KCNU1: variants seen among roughly 807,000 people sequenced by gnomAD.
KCNU1 encodes potassium calcium-activated channel subfamily U member 1, also known as potassium channel subfamily U member 1.
KCNU1 carries 93 observed loss-of-function variants against 126.8 expected under a neutral mutation model. The observed-to-expected ratio is 0.73, with a 90% CI of 0.62 to 0.87. The LOEUF is 0.87. KCNU1 is among the 40% of genes least tolerant of loss of function. The probability of loss-of-function intolerance (pLI) is 0.00; values close to 1 mark genes in which losing one functional copy is unlikely to be tolerated. For missense variants in KCNU1, 1,330 were observed against 1,367.1 expected, an observed-to-expected ratio of 0.97 and a Z score of 0.43; for synonymous variants, 523 against 494.2, an observed-to-expected ratio of 1.06 and a Z score of -0.77.
chr8:36,884,999 A>G lies in KCNU1; in HGVS notation c.2009+20478A>G, dbSNP rs1386407387. ...AAACTGAGGTTATAGGGCAAAATCC[A>G]GAAATGTGGAGAATCGCAGCTGAGA... On this transcript the variant is annotated intron_variant, in intron 19 of 26. Transcript: ENST00000399881. 2.6e-5 allele frequency among the ~76,000 whole-genome samples: 4 copies of G among 152,312 alleles called. No homozygotes were observed. In the East Asian group the frequency reaches 5.8e-4, roughly 22 times the overall value.
chr8:36,864,521 G>T lies in KCNU1; in HGVS notation c.2009G>T (p.Arg670Met). 6.3e-7 allele frequency: 1 copy of T among 1,579,180 alleles called. No homozygotes were observed. Among genetic ancestry groups the T allele is most frequent in the Non-Finnish European group, 8.7e-7 (1 of 1,148,448 alleles). The change falls in exon 19 of 27, where the codon AGG (arginine) becomes ATG (methionine). Residue 670 changes from arginine to methionine, a missense_variant and splice_region_variant. Arg to Met is a moderately conservative substitution (Grantham distance 91). This residue lies in a region of KCNU1 where 1,054 missense variants were observed against 1,053.9 expected (regional missense o/e 1.00). Transcript: ENST00000399881. Reference protein sequence around the residue: ...STSSISNFTTRTLQHDVEQDS... With the variant: ...STSSISNFTTMTLQHDVEQDS... ...TCGAGCATATCAAACTTCACCACCAGGTAAAAGCTGCAGAGAACCCTGGTC... is the reference window on the plus strand; with the variant it reads ...TCGAGCATATCAAACTTCACCACCATGTAAAAGCTGCAGAGAACCCTGGTC...
chr8:36,893,117 A>G (rs1807036000), intron 19 of KCNU1, among the ~76,000 whole-genome samples: 1 of 150,304 alleles, frequency 6.7e-6, no homozygotes, highest in Non-Finnish European at 1.5e-5. Context: ...GTGAGCCACC[A>G]TGCCTAGCTA....
At chr8:36,878,338 C>T (rs945242975) in intron 19 of KCNU1, among the ~76,000 whole-genome samples, 1 of 152,104 alleles carries the variant, frequency 6.6e-6, no homozygotes, top group African/African-American at 2.4e-5. Flanking sequence ...TGTGCCCCAC[C>T]CAAGGAGGCT....
chr8:36,825,190 T>C (rs941192766), intron 10 of KCNU1, among the ~76,000 whole-genome samples: 4 of 152,186 alleles, frequency 2.6e-5, no homozygotes, highest in Admixed American at 2.0e-4. Context: ...TTTATTAAGA[T>C]AGTGGTACTT....
chr8:36,915,388 G>T (rs565765160), intron 22 of KCNU1, among the ~76,000 whole-genome samples: 1 of 152,318 alleles, frequency 6.6e-6, no homozygotes, highest in East Asian at 1.9e-4. Context: ...GGCATGGTAT[G>T]TAAATCCTGG....
chr8:36,932,812 G>A, intron 25 of KCNU1, 108 bp from the exon 26 acceptor site: 1 of 663,386 alleles, frequency 1.5e-6, no homozygotes, highest in Non-Finnish European at 2.7e-6. Flanking sequence ...TTAGGAAATG[G>A]CTTTCCAAGC....
chr8:36,868,268 T>A (rs1294510769), intron 19 of KCNU1, among the ~76,000 whole-genome samples: 2 of 151,924 alleles, frequency 1.3e-5, no homozygotes, highest in African/African-American at 4.8e-5. Flanking sequence ...ACAAAGGGAG[T>A]TCCAGCTAGC....
At chr8:36,840,628 C>CA in intron 15 of KCNU1, 53 bp downstream of exon 15, 1 of 1,045,742 alleles carries the variant, frequency 9.6e-7, no homozygotes, top group Non-Finnish European at 1.5e-6. Flanking sequence ...ATTCTTTCAA[C>CA]AACGTTCACT....
intron 19 of KCNU1, among the ~76,000 whole-genome samples, chr8:36,869,404 C>T (rs1806022188): frequency 6.6e-6 from 1 of 152,146 alleles, no homozygotes; most frequent in African/African-American, 2.4e-5. Context: ...CATATAACAT[C>T]CTTTCTCACC....
At chr8:36,838,416 T>C (rs1260720954) in intron 14 of KCNU1, among the ~76,000 whole-genome samples, 1 of 152,050 alleles carries the variant, frequency 6.6e-6, no homozygotes, top group East Asian at 1.9e-4. Flanking sequence ...TGTGGCCAGG[T>C]GTGGTGGCTC....
intron 21 of KCNU1, among the ~76,000 whole-genome samples, 164 bp from the exon 22 acceptor site, chr8:36,910,766 G>T (rs1485553265): frequency 6.6e-6 from 1 of 152,124 alleles, no homozygotes; most frequent in Non-Finnish European, 1.5e-5. Context: ...GTTTGATAAG[G>T]TTAAATGTGT....
rs541048274 is a variant in KCNU1, at chr8:36,891,620, C to T, written c.2010-14088C>T. Reference sequence around the variant, plus strand: ...ATTTCAGCCTAAAGGAATTGTAATACTCTTTAGTATCGTTTGTAATAAAAG... The same window carrying T: ...ATTTCAGCCTAAAGGAATTGTAATATTCTTTAGTATCGTTTGTAATAAAAG... On this transcript the variant is annotated intron_variant, in intron 19 of 26. Coordinates refer to ENST00000399881, the MANE Select transcript of KCNU1 (RefSeq NM_001031836.3). 4.7e-4 allele frequency among the ~76,000 whole-genome samples: 71 copies of T among 152,192 alleles called. 1 individual carries two copies. The highest frequency in any genetic ancestry group is 6.8e-3 in the Middle Eastern group (2 of 294).
intron 1 of KCNU1, among the ~76,000 whole-genome samples, chr8:36,785,204 G>T (rs760884873): frequency 6.6e-6 from 1 of 152,178 alleles, no homozygotes; most frequent in Non-Finnish European, 1.5e-5. Flanking sequence ...GCTGGCAAAT[G>T]ATGATGATGA....
chr8:36,867,906 C>T (rs1805969137), intron 19 of KCNU1, among the ~76,000 whole-genome samples: 1 of 152,018 alleles, frequency 6.6e-6, no homozygotes, highest in African/African-American at 2.4e-5. Flanking sequence ...GTTGGGGATC[C>T]CTAAATATGC....
intron 19 of KCNU1, among the ~76,000 whole-genome samples, chr8:36,892,224 G>A (rs927675668): frequency 1.3e-5 from 2 of 151,820 alleles, no homozygotes; most frequent in Non-Finnish European, 2.9e-5. Flanking sequence ...TCCTTCTTCT[G>A]CCAACTCAGA....
chr8:36,884,557 G>A (rs747379785), intron 19 of KCNU1, among the ~76,000 whole-genome samples: 22 of 152,174 alleles, frequency 1.4e-4, no homozygotes, highest in Admixed American at 2.6e-4. Context: ...CCAACATGGT[G>A]AAACCATGTC....
chr8:36,808,958 CA>C (rs1803607452), intron 7 of KCNU1, among the ~76,000 whole-genome samples, 165 bp downstream of exon 7: 1 of 152,100 alleles, frequency 6.6e-6, no homozygotes, highest in South Asian at 2.1e-4. Context: ...CATATTCTCA[CA>C]AATATGCATC....
chr8:36,847,775 A>G (rs952164984), intron 18 of KCNU1, among the ~76,000 whole-genome samples: 3 of 152,232 alleles, frequency 2.0e-5, no homozygotes, highest in Admixed American at 6.5e-5. Flanking sequence ...CCTACAATAA[A>G]CATGGAAGTG....
chr8:36,881,705 T>C (rs1422862554), intron 19 of KCNU1, among the ~76,000 whole-genome samples: 1 of 151,968 alleles, frequency 6.6e-6, no homozygotes, highest in Admixed American at 6.6e-5. Flanking sequence ...TCTTGAGAAT[T>C]TGAGTGAGTC....
Sources: gnomAD v4.1 joint callset for allele counts (sites outside exome capture counted in the v4.1 genomes callset) on GRCh38, gnomAD v4.1.1 for gene constraint, gnomAD v4.1.1 regional missense constraint, MANE v1.5 for transcripts, NCBI Gene and HGNC (gene_info 2026-07-23, HGNC 2026-07-21) for gene names.